Variants in NRG3 observed in about 807,000 individuals in gnomAD.
NRG3 encodes pro-neuregulin-3, membrane-bound isoform.
In NRG3, 31 loss-of-function variants were observed where a neutral mutation model predicts 66.9. That is an observed-to-expected ratio of 0.46 (90% confidence interval 0.35 to 0.63). The LOEUF (loss-of-function observed/expected upper bound fraction) is 0.63, where lower values mean the gene tolerates loss of function less well. Ranked by LOEUF, NRG3 falls within the 20% of genes least tolerant of loss-of-function variation. The probability of loss-of-function intolerance (pLI) is 0.00; values close to 1 mark genes in which losing one functional copy is unlikely to be tolerated. For synonymous variants in NRG3, 393 were observed against 359.4 expected, an observed-to-expected ratio of 1.09 and a Z score of -1.06; for missense variants, 910 against 878.9, an observed-to-expected ratio of 1.04 and a Z score of -0.45.
At chr10:82,085,927 C>T (rs112461018) in intron 1 of NRG3, among the ~76,000 whole-genome samples, 7 of 152,188 alleles carry the variant, frequency 4.6e-5, no homozygotes, top group African/African-American at 7.2e-5. Flanking sequence ...CATGAGCCAC[C>T]GCTCCTGACC....
rs529235948 is a variant in NRG3 at position 82,586,903 on chromosome 10, T to C, written c.954-151674T>C. Among the ~76,000 whole-genome samples the C allele has an allele frequency of 5.3e-5, 8 of 152,290 alleles. No individual in the cohort carries two copies. The East Asian group carries it at 1.5e-3, about 29-fold the overall frequency. On this transcript the variant is annotated intron_variant, in intron 2 of 8. Transcript: ENST00000372141. Reference sequence around the variant, plus strand: ...GAGGAAATGGATTGGATAATTGTGATCTGTTGATTTTTTCATGCTAAAAAA... The same window carrying C: ...GAGGAAATGGATTGGATAATTGTGACCTGTTGATTTTTTCATGCTAAAAAA...
chr10:82,585,351 G>A (rs1210051276), intron 2 of NRG3, among the ~76,000 whole-genome samples: 2 of 152,164 alleles, frequency 1.3e-5, no homozygotes, highest in Non-Finnish European at 2.9e-5. Context: ...AAAATAAGCA[G>A]AAAGTATAAC....
At chr10:82,735,337 T>C (rs184916416) in intron 2 of NRG3, among the ~76,000 whole-genome samples, 23 of 152,304 alleles carry the variant, frequency 1.5e-4, no homozygotes, top group Admixed American at 1.3e-3. Flanking sequence ...ATTTCTGTGA[T>C]GCCAGGCTCC....
intron 4 of NRG3, among the ~76,000 whole-genome samples, chr10:82,886,216 A>G (rs1348582175): frequency 1.3e-5 from 2 of 152,250 alleles, no homozygotes; most frequent in Admixed American, 1.3e-4. Flanking sequence ...CTTGGTTTCA[A>G]CAGTGTTTCA....
chr10:82,620,494 C>T (rs969174609), intron 2 of NRG3, among the ~76,000 whole-genome samples: 1 of 152,118 alleles, frequency 6.6e-6, no homozygotes, highest in Admixed American at 6.5e-5. Flanking sequence ...TAAGCCATCT[C>T]TCCTCTGAAG....
rs117986463 is a variant in NRG3 at position 82,615,440 on chromosome 10, T to C, written c.954-123137T>C. Among the ~76,000 whole-genome samples, 271 of 152,296 alleles carry C rather than the reference T, an allele frequency of 1.8e-3. 6 individuals are homozygous for C. In the East Asian group the frequency reaches 0.046, roughly 26 times the overall value. On this transcript the variant is annotated intron_variant, in intron 2 of 8. Coordinates refer to ENST00000372141, the MANE Select transcript of NRG3 (RefSeq NM_001010848.4). ...TCTTTATTACTTCACCTATAGGCTA[T>C]TGGATAAAAAATGTTTACTATTGCC... is the stretch of plus-strand genomic sequence containing the variant.
chr10:82,080,509 T>C (rs1415649702), intron 1 of NRG3, among the ~76,000 whole-genome samples: 4 of 152,170 alleles, frequency 2.6e-5, no homozygotes, highest in African/African-American at 7.2e-5. Context: ...CTTCTGCAGC[T>C]GGTCCTCACT....
At chr10:82,068,318 A>G (rs987204162) in intron 1 of NRG3, among the ~76,000 whole-genome samples, 2 of 152,210 alleles carry the variant, frequency 1.3e-5, no homozygotes, top group Non-Finnish European at 2.9e-5. Flanking sequence ...TAGCATCCAC[A>G]TTCTTTTAAA....
At chr10:82,429,593 G>T (rs1203103049) in intron 2 of NRG3, among the ~76,000 whole-genome samples, 2 of 151,980 alleles carry the variant, frequency 1.3e-5, no homozygotes, top group Admixed American at 6.6e-5. Flanking sequence ...ATGTATTTGT[G>T]TGTGAATTTC....
chr10:82,842,971 TATG>T lies in NRG3; in HGVS notation c.1028-22437_1028-22435del. Among the ~76,000 whole-genome samples, 3 of 152,332 alleles carry T rather than the reference TATG, an allele frequency of 2.0e-5. No individual in the cohort carries two copies. The Middle Eastern group carries it at 0.01, about 518-fold the overall frequency. ...CAGTAAGAGATTAACAACAATAACT[TATG>T]ATAAGATAGAATAATTATAACAATA... is the stretch of plus-strand genomic sequence containing the variant. On this transcript the variant is annotated intron_variant, in intron 3 of 8. Coordinates refer to ENST00000372141, the MANE Select transcript of NRG3 (RefSeq NM_001010848.4).
intron 1 of NRG3, among the ~76,000 whole-genome samples, chr10:82,285,730 A>G (rs918473706): frequency 6.6e-6 from 1 of 152,158 alleles, no homozygotes; most frequent in African/African-American, 2.4e-5. Context: ...TCTCAAGAGC[A>G]TGCTTTCTGT....
At chr10:82,311,044 C>G (rs11193613) in intron 1 of NRG3, among the ~76,000 whole-genome samples, 2 of 132,686 alleles carry the variant, frequency 1.5e-5, no homozygotes, top group African/African-American at 7.4e-5. Context: ...TAAGATTGAG[C>G]CAAATGAGAG....
At chr10:81,942,213 T>G (rs1848462005) in intron 1 of NRG3, among the ~76,000 whole-genome samples, 1 of 152,112 alleles carries the variant, frequency 6.6e-6, no homozygotes. Context: ...AAAAGATGTT[T>G]GTGCTGTTTC....
chr10:82,092,878 G>A (rs1300522238), intron 1 of NRG3, among the ~76,000 whole-genome samples: 1 of 152,158 alleles, frequency 6.6e-6, no homozygotes, highest in African/African-American at 2.4e-5. Flanking sequence ...GCTTGGTGCT[G>A]TTGCTGCCAT....
At chr10:82,721,160 C>T (rs2992383) in intron 2 of NRG3, among the ~76,000 whole-genome samples, 45,950 of 97,110 alleles carry the variant, frequency 0.47, 11,210 homozygotes, top group East Asian at 0.66. Context: ...GAGATGGAGT[C>T]TCCCTCTGTC....
chr10:82,247,587 A>G (rs2077300329), intron 1 of NRG3, among the ~76,000 whole-genome samples: 1 of 152,180 alleles, frequency 6.6e-6, no homozygotes, highest in Non-Finnish European at 1.5e-5. Context: ...AAGTTGCTTC[A>G]TGATCCACAA....
intron 2 of NRG3, among the ~76,000 whole-genome samples, chr10:82,618,108 C>G (rs1027895918): frequency 6.6e-6 from 1 of 152,138 alleles, no homozygotes; most frequent in Non-Finnish European, 1.5e-5. Context: ...TCTAACAGCC[C>G]TAGCATTATT....
chr10:81,944,710 C>T (rs1182068212), intron 1 of NRG3, among the ~76,000 whole-genome samples: 1 of 152,092 alleles, frequency 6.6e-6, no homozygotes, highest in African/African-American at 2.4e-5. Context: ...GGCTGATCTT[C>T]CGTGAGTCAG....
chr10:82,539,806 TG>T lies in NRG3; in HGVS notation c.953+180939del, dbSNP rs2043409279. Among the ~76,000 whole-genome samples the T allele has an allele frequency of 2.6e-5, 4 of 152,050 alleles. No homozygotes were observed. In the South Asian group the frequency reaches 8.3e-4, roughly 32 times the overall value. ...TGCCACCACGGCCAGCTAATTTTTT[TG>T]TATTTTAGTAGAGACAGGGTTTCAC... On this transcript the variant is annotated intron_variant, in intron 2 of 8. Transcript: ENST00000372141.
Sources: gnomAD v4.1 joint callset for allele counts (sites outside exome capture counted in the v4.1 genomes callset) on GRCh38, gnomAD v4.1.1 for gene constraint, MANE v1.5 for transcripts, NCBI Gene and HGNC (gene_info 2026-07-23, HGNC 2026-07-21) for gene names.